The following PRDM5 variants were observed in gnomAD, a reference collection of about 807,000 sequenced individuals.
PRDM5 encodes the protein PR domain zinc finger protein 5.
In PRDM5, 56 loss-of-function variants were observed where a neutral mutation model predicts 81.2. That is an observed-to-expected ratio of 0.69 (90% CI 0.56 to 0.86). The LOEUF is 0.86. Among genes scored for constraint, PRDM5 ranks in the 40% least tolerant of loss-of-function variants. PRDM5 has a pLI of 0.00. For synonymous variants in PRDM5, 267 were observed against 256.4 expected (o/e 1.04, Z -0.39); for missense variants, 697 against 770.1 (o/e 0.91, Z 1.12).
chr4:120,799,759 A>G lies in PRDM5; in HGVS notation c.946-14T>C, dbSNP rs374821824. 3 of 1,610,098 alleles carry G rather than the reference A, an allele frequency of 1.9e-6. No individual in the cohort carries two copies. In the African/African-American group the frequency reaches 4.0e-5, roughly 22 times the overall value. On this transcript the variant is annotated splice_polypyrimidine_tract_variant and intron_variant, in intron 8 of 15. Transcript: ENST00000264808. ...TATCTCATGAATCTGCAAAAGGTTA[A>G]ATAGACAGTTAAATCAACTGTCAAA...
At chr4:120,706,085 C>CTTTTTTTTT (rs5861484) in intron 15 of PRDM5, among the ~76,000 whole-genome samples, 1 of 143,296 alleles carries the variant, frequency 7.0e-6, no homozygotes. Context: ...GATCCTAGAT[C>CTTTTTTTTT]TTTTTTTTTT....
rs148064969 is a variant in PRDM5 at position 120,771,337 on chromosome 4, T to G, written c.1537+5851A>C. Among the ~76,000 whole-genome samples the G allele has an allele frequency of 5.1e-3, 780 of 152,272 alleles. 4 individuals carry two copies. Among genetic ancestry groups the G allele is most frequent in the Middle Eastern group, 0.017 (5 of 294 alleles). ...TTATATGGCAAGGAGAACAATTTAT[T>G]AAGCGTATTTTGGAGGTTACTATGA... is the stretch of plus-strand genomic sequence containing the variant. On this transcript the variant is annotated intron_variant, in intron 13 of 15. Transcript: ENST00000264808.
intron 3 of PRDM5, among the ~76,000 whole-genome samples, chr4:120,830,199 C>T (rs1020854915): frequency 1.3e-5 from 2 of 152,076 alleles, no homozygotes; most frequent in Non-Finnish European, 2.9e-5. Flanking sequence ...AGTAAGAGGA[C>T]TTTCCCAACT....
intron 15 of PRDM5, among the ~76,000 whole-genome samples, chr4:120,707,891 G>A (rs1482261143): frequency 6.6e-6 from 1 of 151,976 alleles, no homozygotes; most frequent in Non-Finnish European, 1.5e-5. Flanking sequence ...TGTAGAAATG[G>A]TCAGGAAGTA....
At chr4:120,808,022 C>G (rs1753243059) in intron 8 of PRDM5, among the ~76,000 whole-genome samples, 1 of 152,206 alleles carries the variant, frequency 6.6e-6, no homozygotes. Context: ...AGGAGAGAAG[C>G]TGCAGACCTT....
At chr4:120,758,368 C>T (rs924860515) in intron 13 of PRDM5, among the ~76,000 whole-genome samples, 3 of 152,108 alleles carry the variant, frequency 2.0e-5, no homozygotes, top group Non-Finnish European at 2.9e-5. Context: ...ATACCAAATT[C>T]GTATGTTTAA....
At chr4:120,777,336 T>A in intron 12 of PRDM5, 55 bp from the exon 13 acceptor site, 1 of 1,611,088 alleles carries the variant, frequency 6.2e-7, no homozygotes, top group South Asian at 1.1e-5. Context: ...TAGGTAAAGA[T>A]GATTAAATGC....
At chr4:120,851,330 A>T (rs908086552) in intron 3 of PRDM5, among the ~76,000 whole-genome samples, 1 of 152,084 alleles carries the variant, frequency 6.6e-6, no homozygotes, top group African/African-American at 2.4e-5. Flanking sequence ...TAATAATAGT[A>T]ACATTTACAA....
chr4:120,686,875 C>G (rs951677308), intron 1 of PRDM5, among the ~76,000 whole-genome samples: 1 of 151,880 alleles, frequency 6.6e-6, no homozygotes, highest in African/African-American at 2.4e-5. Context: ...AGTTACAAAT[C>G]ACTCCTTCAA....
chr4:120,703,164 T>A (rs1196892189), intron 15 of PRDM5, among the ~76,000 whole-genome samples: 1 of 152,128 alleles, frequency 6.6e-6, no homozygotes, highest in Non-Finnish European at 1.5e-5. Context: ...GCATGTTAAT[T>A]CATGTATTTT....
intron 14 of PRDM5, among the ~76,000 whole-genome samples, chr4:120,730,444 C>T (rs1489801519): frequency 6.6e-6 from 1 of 152,108 alleles, no homozygotes; most frequent in Non-Finnish European, 1.5e-5. Flanking sequence ...CTCAACATAG[C>T]ATAGTTCTTG....
chr4:120,863,156 TAAAA>T (rs66499146), intron 2 of PRDM5, among the ~76,000 whole-genome samples: 1 of 40,132 alleles, frequency 2.5e-5, no homozygotes, highest in Non-Finnish European at 4.1e-5. Flanking sequence ...AGACTCTGTC[TAAAA>T]AAAAAAAAAA....
At chr4:120,730,896 A>G (rs1740149554) in intron 14 of PRDM5, among the ~76,000 whole-genome samples, 1 of 152,184 alleles carries the variant, frequency 6.6e-6, no homozygotes, top group African/African-American at 2.4e-5. Context: ...AAACAACTCT[A>G]CTGTATTATT....
At chr4:120,860,594 G>A (rs929734722) in intron 2 of PRDM5, among the ~76,000 whole-genome samples, 2 of 150,844 alleles carry the variant, frequency 1.3e-5, no homozygotes, top group African/African-American at 2.4e-5. Flanking sequence ...ATACAACAGT[G>A]ACCACTTTCT....
At chr4:120,920,993 C>T (rs1312523251) in intron 1 of PRDM5, among the ~76,000 whole-genome samples, 1 of 152,100 alleles carries the variant, frequency 6.6e-6, no homozygotes, top group African/African-American at 2.4e-5. Context: ...GTAGGTTGGC[C>T]AGCTGTTTCT....
intron 2 of PRDM5, among the ~76,000 whole-genome samples, chr4:120,864,786 T>C (rs1761015329): frequency 6.6e-6 from 1 of 152,202 alleles, no homozygotes; most frequent in African/African-American, 2.4e-5. Flanking sequence ...TCACTCAGAA[T>C]CTGACTAAAG....
At chr4:120,823,597 C>T (rs1260776799) in intron 3 of PRDM5, among the ~76,000 whole-genome samples, 2 of 152,174 alleles carry the variant, frequency 1.3e-5, no homozygotes, top group Admixed American at 1.3e-4. Flanking sequence ...TCCTTGCATA[C>T]ACTGCACTAA....
intron 15 of PRDM5, among the ~76,000 whole-genome samples, chr4:120,699,265 T>G (rs762835214): frequency 2.0e-5 from 3 of 148,642 alleles, no homozygotes; most frequent in Non-Finnish European, 4.5e-5. Context: ...TATGATGATG[T>G]CATTATATTT....
intron 10 of PRDM5, among the ~76,000 whole-genome samples, chr4:120,786,411 A>G (rs553618124): frequency 6.6e-6 from 1 of 152,312 alleles, no homozygotes; most frequent in South Asian, 2.1e-4. Flanking sequence ...CAGAAAAACA[A>G]GTAGGTCTCT....
Sources: allele counts gnomAD v4.1 joint callset (sites outside exome capture counted in the v4.1 genomes callset), GRCh38; gene constraint gnomAD v4.1.1; transcripts MANE v1.5; gene names NCBI Gene and HGNC (gene_info 2026-07-23, HGNC 2026-07-21).